The following UNC5C variants were observed in gnomAD, a reference collection of about 807,000 sequenced individuals.
UNC5C encodes the protein netrin receptor UNC5C.
In UNC5C, 47 loss-of-function variants were observed where a neutral mutation model predicts 99.8. The observed-to-expected ratio is 0.47, with a 90% CI of 0.37 to 0.60. The LOEUF is 0.60. UNC5C is among the 20% of genes least tolerant of loss of function. The pLI, the probability that UNC5C is intolerant of heterozygous loss-of-function variation, is 0.00. For missense variants in UNC5C, 1,062 were observed against 1,165.9 expected, an observed-to-expected ratio of 0.91 and a Z score of 1.30; for synonymous variants, 487 against 452.2, an observed-to-expected ratio of 1.08 and a Z score of -0.98.
At chr4:95,370,581 A>G (rs532003608) in intron 1 of UNC5C, among the ~76,000 whole-genome samples, 15 of 152,310 alleles carry the variant, frequency 9.8e-5, no homozygotes, top group African/African-American at 3.4e-4. Context: ...CTACATGAAA[A>G]GAAAGGTTTA....
intron 14 of UNC5C, among the ~76,000 whole-genome samples, chr4:95,172,022 C>G (rs1374167287): frequency 2.1e-4 from 31 of 147,864 alleles, no homozygotes; most frequent in African/African-American, 7.5e-4. Flanking sequence ...TGTTTTTTGG[C>G]TGCATAAATG....
At chr4:95,516,249 T>C (rs182151110) in intron 1 of UNC5C, among the ~76,000 whole-genome samples, 2 of 152,338 alleles carry the variant, frequency 1.3e-5, no homozygotes, top group East Asian at 3.9e-4. Context: ...TAAAATATGA[T>C]ATCTTCATTT....
At position 95,483,004 on chromosome 4, in the gene UNC5C, TATAATAATAATAATAATA is replaced by T. The variant is rs71970821; in HGVS notation, c.124+65712_124+65729del. Reference sequence around the variant, plus strand: ...TGCACATGTACCCTAAAACTTAAAGTATAATAATAATAATAATAATAATAATAATAATAATAATAAAAA... The same window carrying T: ...TGCACATGTACCCTAAAACTTAAAGTATAATAATAATAATAATAATAAAAA... On this transcript the variant is annotated intron_variant, in intron 1 of 15. Transcript: ENST00000453304. Among the ~76,000 whole-genome samples, 9 of 103,432 alleles carry T rather than the reference TATAATAATAATAATAATA, an allele frequency of 8.7e-5. No individual in the cohort carries two copies. In the South Asian group the frequency reaches 9.2e-4, roughly 11 times the overall value. The allele number at this position is 103,432 out of a possible 152,430, so 67.9% of individuals were successfully genotyped here.
intron 12 of UNC5C, among the ~76,000 whole-genome samples, chr4:95,193,111 T>C (rs1737223964): frequency 6.6e-6 from 1 of 152,254 alleles, no homozygotes; most frequent in Non-Finnish European, 1.5e-5. Flanking sequence ...CTTTATATTG[T>C]TTCTGGATGT....
intron 3 of UNC5C, 93 bp from the exon 4 acceptor site, chr4:95,278,455 T>A (rs1395967621): frequency 2.1e-6 from 2 of 939,438 alleles, no homozygotes; most frequent in Non-Finnish European, 3.3e-6. Context: ...TAGTATTTTA[T>A]CTGTGCTTTT....
chr4:95,166,108 T>G lies in UNC5C; in HGVS notation c.*3126A>C, dbSNP rs1224045975. 1 of 152,238 alleles carries G rather than the reference T, an allele frequency of 6.6e-6. No individual in the cohort carries two copies. The highest frequency in any genetic ancestry group is 2.4e-5 in the African/African-American group (1 of 41,460). The allele number at this position is 152,238 out of a possible 1,614,324, so 9.4% of individuals were successfully genotyped here. A position where few individuals can be genotyped will look rare whatever the true frequency, so the allele number is the denominator to read the frequency against. On this transcript the variant is annotated 3_prime_UTR_variant, in exon 16 of 16. Transcript: ENST00000453304. ...ATATTAAACTCAGGTTAGATTGTGT[T>G]GTACACCACTAGATGGCAGCATGCA...
At chr4:95,410,246 T>A (rs772212094) in intron 1 of UNC5C, among the ~76,000 whole-genome samples, 11 of 152,266 alleles carry the variant, frequency 7.2e-5, no homozygotes, top group South Asian at 2.1e-4. Context: ...TATCTGCATG[T>A]TCCTAAAACC....
intron 1 of UNC5C, among the ~76,000 whole-genome samples, chr4:95,539,688 G>C (rs913073720): frequency 6.6e-6 from 1 of 151,924 alleles, no homozygotes; most frequent in Non-Finnish European, 1.5e-5. Flanking sequence ...GCACATATAT[G>C]CTCACAGGGA....
chr4:95,240,810 T>G (rs911338618), intron 7 of UNC5C, among the ~76,000 whole-genome samples: 23 of 152,196 alleles, frequency 1.5e-4, no homozygotes, highest in African/African-American at 5.1e-4. Context: ...CATGAAAGTC[T>G]TAGTTTGAAT....
chr4:95,429,280 TAA>T (rs112203195), intron 1 of UNC5C, among the ~76,000 whole-genome samples: 10 of 94,944 alleles, frequency 1.1e-4, no homozygotes, highest in Admixed American at 3.8e-4. Flanking sequence ...TAGTGATTCT[TAA>T]AAAAAAAAAA....
chr4:95,485,523 T>C (rs149364511), intron 1 of UNC5C, among the ~76,000 whole-genome samples: 1 of 151,870 alleles, frequency 6.6e-6, no homozygotes, highest in East Asian at 2.0e-4. Flanking sequence ...TGTAAGAACC[T>C]TCATGTGGCA....
intron 3 of UNC5C, among the ~76,000 whole-genome samples, chr4:95,293,484 AT>A (rs1021635011): frequency 6.6e-6 from 1 of 150,438 alleles, no homozygotes. Flanking sequence ...CACTTGGTTA[AT>A]TTTTTTTGGC....
At chr4:95,249,223 A>C (rs1412405673) in intron 5 of UNC5C, among the ~76,000 whole-genome samples, 2 of 152,162 alleles carry the variant, frequency 1.3e-5, no homozygotes, top group Non-Finnish European at 2.9e-5. Flanking sequence ...CCAGTGATGA[A>C]ATCACCTAAT....
chr4:95,264,929 A>G (rs1740384611), intron 4 of UNC5C, among the ~76,000 whole-genome samples: 1 of 152,150 alleles, frequency 6.6e-6, no homozygotes, highest in Admixed American at 6.5e-5. Flanking sequence ...ATTTTCATAT[A>G]GTCCTTCTCA....
At chr4:95,457,866 G>A (rs1003255382) in intron 1 of UNC5C, among the ~76,000 whole-genome samples, 4 of 152,120 alleles carry the variant, frequency 2.6e-5, no homozygotes, top group African/African-American at 9.7e-5. Flanking sequence ...ACAAGGATCT[G>A]AACGTCGGAT....
At chr4:95,170,458 G>A in intron 14 of UNC5C, 126 bp from the exon 15 acceptor site, 7 of 1,140,556 alleles carry the variant, frequency 6.1e-6, no homozygotes, top group Non-Finnish European at 8.7e-6. Context: ...ATTCTTCTTA[G>A]GAAGAATGGC....
intron 12 of UNC5C, among the ~76,000 whole-genome samples, chr4:95,195,287 C>T (rs183734015): frequency 5.9e-5 from 9 of 152,312 alleles, no homozygotes; most frequent in Admixed American, 5.2e-4. Flanking sequence ...GTCACGGCAG[C>T]CAGCCTGACT....
intron 1 of UNC5C, among the ~76,000 whole-genome samples, chr4:95,378,274 C>G (rs1269417270): frequency 6.6e-6 from 1 of 152,090 alleles, no homozygotes; most frequent in Non-Finnish European, 1.5e-5. Context: ...AACTCACTTT[C>G]AAAGTAGGAA....
intron 12 of UNC5C, among the ~76,000 whole-genome samples, chr4:95,194,718 C>A (rs1410007196): frequency 6.6e-6 from 1 of 152,200 alleles, no homozygotes; most frequent in Non-Finnish European, 1.5e-5. Context: ...GGATAATCTC[C>A]TGAAATCACA....
Sources: gnomAD v4.1 joint callset for allele counts (sites outside exome capture counted in the v4.1 genomes callset) on GRCh38, gnomAD v4.1.1 for gene constraint, MANE v1.5 for transcripts, NCBI Gene and HGNC (gene_info 2026-07-23, HGNC 2026-07-21) for gene names.